BRINP3: variants seen among roughly 807,000 people sequenced by gnomAD.
BRINP3 encodes BMP/retinoic acid inducible neural specific 3, also known as BMP/retinoic acid-inducible neural-specific protein 3.
A neutral mutation model predicts 71.0 loss-of-function variants in BRINP3; 19 were observed. The observed-to-expected ratio is 0.27, with a 90% CI of 0.19 to 0.39. BRINP3 has a LOEUF of 0.39. Among genes scored for constraint, BRINP3 ranks in the 10% least tolerant of loss-of-function variants. The pLI, the probability that BRINP3 is intolerant of heterozygous loss-of-function variation, is 1.00. For synonymous variants in BRINP3, 380 were observed against 337.7 expected (o/e 1.13, Z -1.37); for missense variants, 959 against 940.8 (o/e 1.02, Z -0.25).
chr1:190,389,060 A>G (rs916016441), intron 2 of BRINP3, among the ~76,000 whole-genome samples: 2 of 151,758 alleles, frequency 1.3e-5, no homozygotes, highest in African/African-American at 4.8e-5. Flanking sequence ...GGTAACTAAG[A>G]TTAGAGGAAC....
Position 190,123,359 on chromosome 1 carries a change from C to T in BRINP3, c.1185-24225G>A, listed in dbSNP as rs187302626. Among the ~76,000 whole-genome samples, 389 of 151,286 alleles carry T rather than the reference C, an allele frequency of 2.6e-3. 1 individual carries two copies. Among genetic ancestry groups the T allele is most frequent in the Non-Finnish European group, 4.4e-3 (296 of 67,466 alleles). On this transcript the variant is annotated intron_variant, in intron 7 of 7. Coordinates refer to ENST00000367462, the MANE Select transcript of BRINP3 (RefSeq NM_199051.3). ...GCTTTGTCATTACTAATAACGACTT[C>T]AGTCTCTGACTCAGGAGTCTGTGTC...
At chr1:190,444,213 G>A (rs1388712639) in intron 2 of BRINP3, among the ~76,000 whole-genome samples, 2 of 111,866 alleles carry the variant, frequency 1.8e-5, no homozygotes, top group African/African-American at 3.2e-5. Flanking sequence ...CACTCCTGCC[G>A]GGGCAACAAG....
At chr1:190,359,349 A>C (rs1571854305) in intron 2 of BRINP3, among the ~76,000 whole-genome samples, 1 of 152,224 alleles carries the variant, frequency 6.6e-6, no homozygotes, top group South Asian at 2.1e-4. Flanking sequence ...CATATCAGAA[A>C]GACCAATGGT....
chr1:190,129,139 T>C (rs1654325600), intron 7 of BRINP3, among the ~76,000 whole-genome samples: 1 of 151,808 alleles, frequency 6.6e-6, no homozygotes, highest in African/African-American at 2.4e-5. Context: ...GATAATCCCA[T>C]TTACACAAAA....
chr1:190,456,060 T>C (rs1014980764), intron 1 of BRINP3, among the ~76,000 whole-genome samples: 2 of 152,122 alleles, frequency 1.3e-5, no homozygotes, highest in Admixed American at 6.6e-5. Context: ...GCAAAACATC[T>C]TTAGAAAAAA....
At chr1:190,190,283 C>T (rs1389017782) in intron 6 of BRINP3, among the ~76,000 whole-genome samples, 2 of 152,118 alleles carry the variant, frequency 1.3e-5, no homozygotes, top group African/African-American at 2.4e-5. Context: ...ATGCTCATTT[C>T]CCTTCTCTTT....
At chr1:190,285,851 C>G (rs1663384423) in intron 2 of BRINP3, among the ~76,000 whole-genome samples, 2 of 151,832 alleles carry the variant, frequency 1.3e-5, no homozygotes, top group African/African-American at 4.8e-5. Context: ...GATGTAATTA[C>G]CATAATGAGA....
chr1:190,279,731 A>T (rs1662893610), intron 3 of BRINP3, among the ~76,000 whole-genome samples: 1 of 151,842 alleles, frequency 6.6e-6, no homozygotes, highest in Admixed American at 6.6e-5. Context: ...TGCCTTCCTT[A>T]TCTACTCTTA....
chr1:190,214,064 T>A (rs1656206934), intron 6 of BRINP3, among the ~76,000 whole-genome samples: 1 of 151,404 alleles, frequency 6.6e-6, no homozygotes. Context: ...GGAGCTTGAG[T>A]CCCCGAAAAA....
intron 2 of BRINP3, among the ~76,000 whole-genome samples, chr1:190,332,864 C>T (rs1041798270): frequency 1.3e-5 from 2 of 151,794 alleles, no homozygotes; most frequent in East Asian, 1.9e-4. Flanking sequence ...ATTATCAATC[C>T]GGGTGTGTTT....
intron 2 of BRINP3, among the ~76,000 whole-genome samples, chr1:190,408,647 A>C (rs1014500148): frequency 6.6e-6 from 1 of 152,174 alleles, no homozygotes; most frequent in Non-Finnish European, 1.5e-5. Context: ...TTACTTTTCT[A>C]TATTTTTAAA....
chr1:190,212,110 C>T (rs1319970940), intron 6 of BRINP3, among the ~76,000 whole-genome samples: 1 of 152,002 alleles, frequency 6.6e-6, no homozygotes, highest in Non-Finnish European at 1.5e-5. Flanking sequence ...TGTTTTATTT[C>T]CTTTACTTTT....
intron 2 of BRINP3, among the ~76,000 whole-genome samples, chr1:190,331,418 T>A (rs566356017): frequency 6.6e-6 from 1 of 151,996 alleles, no homozygotes; most frequent in Non-Finnish European, 1.5e-5. Flanking sequence ...ATTAGAACAA[T>A]AGTTTACCAA....
intron 2 of BRINP3, among the ~76,000 whole-genome samples, chr1:190,320,869 T>C (rs1041590411): frequency 1.3e-5 from 2 of 152,028 alleles, no homozygotes; most frequent in African/African-American, 4.8e-5. Context: ...TGGCCAAAAA[T>C]TGATTTTGTT....
At chr1:190,475,663 A>G (rs1391632540) in intron 1 of BRINP3, 3 of 152,176 alleles carry the variant, frequency 2.0e-5, no homozygotes, top group Non-Finnish European at 2.9e-5. Context: ...ATCTCCACGC[A>G]GAGTCGCCTG....
chr1:190,117,088 C>T (rs1232829275), intron 7 of BRINP3, among the ~76,000 whole-genome samples: 2 of 152,028 alleles, frequency 1.3e-5, no homozygotes, highest in African/African-American at 4.8e-5. Flanking sequence ...GAATATAGAA[C>T]TAAAAGTGTA....
At chr1:190,193,275 A>T (rs887034281) in intron 6 of BRINP3, among the ~76,000 whole-genome samples, 1 of 152,062 alleles carries the variant, frequency 6.6e-6, no homozygotes, top group Non-Finnish European at 1.5e-5. Flanking sequence ...ATTGACAAAG[A>T]ACAAGATGAT....
intron 1 of BRINP3, among the ~76,000 whole-genome samples, chr1:190,457,764 G>A (rs966323716): frequency 6.6e-5 from 10 of 152,028 alleles, no homozygotes; most frequent in Non-Finnish European, 1.3e-4. Flanking sequence ...TACACAAAGT[G>A]TTTTAAAAGT....
intron 3 of BRINP3, among the ~76,000 whole-genome samples, chr1:190,265,307 A>G (rs1451905242): frequency 1.3e-5 from 2 of 151,982 alleles, no homozygotes; most frequent in Non-Finnish European, 2.9e-5. Context: ...GTTTCTCCAG[A>G]TTTTATTGAC....
Sources: gnomAD v4.1 joint callset for allele counts (sites outside exome capture counted in the v4.1 genomes callset) on GRCh38, gnomAD v4.1.1 for gene constraint, MANE v1.5 for transcripts, NCBI Gene and HGNC (gene_info 2026-07-23, HGNC 2026-07-21) for gene names.